The following PRKCA variants were observed in gnomAD, a reference collection of about 807,000 sequenced individuals.
PRKCA encodes protein kinase C alpha.
Under a neutral mutation model 87.0 loss-of-function variants are expected in PRKCA, and 27 were observed. The observed-to-expected ratio is 0.31, with a 90% CI of 0.23 to 0.43. PRKCA has a LOEUF of 0.43. PRKCA is among the 20% of genes least tolerant of loss of function. The pLI, the probability that PRKCA is intolerant of heterozygous loss-of-function variation, is 1.00. For synonymous variants in PRKCA, 329 were observed against 311.1 expected, an observed-to-expected ratio of 1.06 and a Z score of -0.61; for missense variants, 518 against 852.3, an observed-to-expected ratio of 0.61 and a Z score of 4.88.
At chr17:66,585,093 C>T (rs545168809) in intron 3 of PRKCA, among the ~76,000 whole-genome samples, 6 of 151,582 alleles carry the variant, frequency 4.0e-5, no homozygotes, top group African/African-American at 1.2e-4. Context: ...AATAGATGAG[C>T]GTGGAGAGGC....
intron 3 of PRKCA, among the ~76,000 whole-genome samples, chr17:66,499,384 G>A (rs188394520): frequency 1.9e-3 from 292 of 152,262 alleles, no homozygotes; most frequent in African/African-American, 6.3e-3. Context: ...TACTGTGATC[G>A]TATCTCTGTG....
chr17:66,634,745 A>G (rs1242641129), intron 3 of PRKCA, among the ~76,000 whole-genome samples: 2 of 152,198 alleles, frequency 1.3e-5, no homozygotes, highest in Admixed American at 1.3e-4. Context: ...GAACCTATTA[A>G]TGTCACTTTC....
intron 2 of PRKCA, among the ~76,000 whole-genome samples, chr17:66,347,845 T>A (rs1032731405): frequency 1.3e-5 from 2 of 151,956 alleles, no homozygotes; most frequent in South Asian, 2.1e-4. Context: ...AAGTGGTGTT[T>A]CATGGAGAGA....
rs80295435 is a variant in PRKCA, at chr17:66,702,779, A to G, written c.918+13732A>G. 4.5e-3 allele frequency among the ~76,000 whole-genome samples: 685 copies of G among 152,270 alleles called. 2 individuals are homozygous for G. Among genetic ancestry groups the G allele is most frequent in the African/African-American group, 0.015 (620 of 41,550 alleles). On this transcript the variant is annotated intron_variant, in intron 8 of 16. Coordinates refer to ENST00000413366, the MANE Select transcript of PRKCA (RefSeq NM_002737.3). ...AGATTTCATCATGCAAACATCATAGAGTGTATTTACACAAGCATAGATGGT... is the reference window on the plus strand; with the variant it reads ...AGATTTCATCATGCAAACATCATAGGGTGTATTTACACAAGCATAGATGGT...
chr17:66,479,261 C>T (rs1915671387), intron 2 of PRKCA, among the ~76,000 whole-genome samples: 1 of 152,082 alleles, frequency 6.6e-6, no homozygotes, highest in Admixed American at 6.5e-5. Context: ...CATGAAAAAA[C>T]ACTCAACATC....
intron 2 of PRKCA, among the ~76,000 whole-genome samples, chr17:66,358,825 A>G (rs1275751603): frequency 6.6e-6 from 1 of 152,000 alleles, no homozygotes; most frequent in African/African-American, 2.4e-5. Context: ...GTGTCTCCAC[A>G]TTAACAAGCA....
intron 5 of PRKCA, among the ~76,000 whole-genome samples, chr17:66,652,119 C>T (rs538737419): frequency 3.3e-5 from 5 of 152,142 alleles, no homozygotes; most frequent in East Asian, 1.9e-4. Flanking sequence ...CCACCATGCC[C>T]GGCTAATTTT....
At position 66,373,016 on chromosome 17, in the gene PRKCA, G is replaced by T. The variant is rs777823670; in HGVS notation, c.205+66889G>T. Among the ~76,000 whole-genome samples the T allele has an allele frequency of 2.0e-5, 3 of 152,106 alleles. No homozygotes were observed. In the East Asian group the frequency reaches 5.8e-4, roughly 29 times the overall value. The stretch of plus-strand genomic sequence containing the variant: ...GGAGGTTGCAGTGAGTCAAGATTGC[G>T]CCACTGCACTCCAGCCTGGGTGACA... On this transcript the variant is annotated intron_variant, in intron 2 of 16. Coordinates refer to ENST00000413366, the MANE Select transcript of PRKCA (RefSeq NM_002737.3).
chr17:66,459,742 G>C (rs1914759679), intron 2 of PRKCA, among the ~76,000 whole-genome samples: 1 of 152,208 alleles, frequency 6.6e-6, no homozygotes, highest in African/African-American at 2.4e-5. Flanking sequence ...GTGCTTTTAA[G>C]TAAGTAATTA....
chr17:66,471,645 A>AT (rs554913573), intron 2 of PRKCA, among the ~76,000 whole-genome samples: 6,132 of 137,896 alleles, frequency 0.044, 206 homozygotes, highest in East Asian at 0.18. Context: ...CTGTTTTCTA[A>AT]TTTTTTTTTT....
rs116828220 is a variant in PRKCA, at chr17:66,512,650, G to A, written c.288+16367G>A. Among the ~76,000 whole-genome samples, 1,072 of 152,112 alleles carry A rather than the reference G, an allele frequency of 7.0e-3. 10 individuals carry two copies. Among genetic ancestry groups the A allele is most frequent in the South Asian group, 0.024 (117 of 4,814 alleles). On this transcript the variant is annotated intron_variant, in intron 3 of 16. Coordinates refer to ENST00000413366, the MANE Select transcript of PRKCA (RefSeq NM_002737.3). ...TAATCTTCATGATGCTCATTCGTAC[G>A]ATTTCAGACTCCGCTGAAATACTGC...
At chr17:66,463,395 T>A (rs571071878) in intron 2 of PRKCA, among the ~76,000 whole-genome samples, 26 of 150,608 alleles carry the variant, frequency 1.7e-4, no homozygotes, top group East Asian at 7.7e-4. Flanking sequence ...TTTTTTTTTT[T>A]AAATTTTTTT....
chr17:66,457,062 C>T (rs1189424993), intron 2 of PRKCA, among the ~76,000 whole-genome samples: 1 of 152,144 alleles, frequency 6.6e-6, no homozygotes, highest in Non-Finnish European at 1.5e-5. Flanking sequence ...GGGTGCTTGG[C>T]ATGATTAGGA....
chr17:66,795,659 G>A (rs193301859), intron 16 of PRKCA, among the ~76,000 whole-genome samples: 65 of 152,238 alleles, frequency 4.3e-4, no homozygotes, highest in Non-Finnish European at 8.2e-4. Context: ...GATGAGTGAC[G>A]GCATAAATAC....
At chr17:66,380,480 T>C (rs74752381) in intron 2 of PRKCA, among the ~76,000 whole-genome samples, 3,133 of 152,302 alleles carry the variant, frequency 0.021, 67 homozygotes, top group East Asian at 0.1. Flanking sequence ...TAAATGCTTA[T>C]AAACTGCTTA....
At chr17:66,459,271 C>T (rs140962221) in intron 2 of PRKCA, among the ~76,000 whole-genome samples, 2,388 of 151,808 alleles carry the variant, frequency 0.016, 31 homozygotes, top group South Asian at 0.039. Flanking sequence ...GTCCCAGCTA[C>T]TCAGGAGGCT....
At chr17:66,615,864 G>A (rs1009798294) in intron 3 of PRKCA, among the ~76,000 whole-genome samples, 2 of 152,296 alleles carry the variant, frequency 1.3e-5, no homozygotes, top group East Asian at 3.9e-4. Flanking sequence ...AATCCAAGCA[G>A]CTTCAAGGAA....
chr17:66,723,310 T>A (rs1973660747), intron 8 of PRKCA, among the ~76,000 whole-genome samples: 1 of 152,154 alleles, frequency 6.6e-6, no homozygotes, highest in Non-Finnish European at 1.5e-5. Context: ...CTGCACTTTG[T>A]CTCCTTTCTG....
intron 2 of PRKCA, among the ~76,000 whole-genome samples, chr17:66,349,059 A>G (rs1007340984): frequency 3.3e-5 from 5 of 152,188 alleles, no homozygotes; most frequent in Admixed American, 6.5e-5. Context: ...TTCAAAATGC[A>G]CCAGAACCTG....
Sources: allele counts gnomAD v4.1 joint callset (sites outside exome capture counted in the v4.1 genomes callset), GRCh38; gene constraint gnomAD v4.1.1; transcripts MANE v1.5; gene names NCBI Gene and HGNC (gene_info 2026-07-23, HGNC 2026-07-21).